The following HAUS6 variants were observed in gnomAD, a reference collection of about 807,000 sequenced individuals.
HAUS6 encodes HAUS augmin like complex subunit 6.
HAUS6 carries 80 observed loss-of-function variants against 106.8 expected under a neutral mutation model. That is an observed-to-expected ratio of 0.75 (90% CI 0.63 to 0.90). The LOEUF is 0.90. Among genes scored for constraint, HAUS6 ranks in the 40% least tolerant of loss-of-function variants. The pLI is 0.00. For synonymous variants in HAUS6, 356 were observed against 379.1 expected (o/e 0.94, Z 0.71); for missense variants, 1,155 against 1,118.1 (o/e 1.03, Z -0.47).
At chr9:19,072,200 A>G (rs1836894788) in intron 11 of HAUS6, among the ~76,000 whole-genome samples, 1 of 150,976 alleles carries the variant, frequency 6.6e-6, no homozygotes, top group Non-Finnish European at 1.5e-5. Context: ...CAAAAAAAAA[A>G]AAGAAAAGAA....
intron 11 of HAUS6, among the ~76,000 whole-genome samples, chr9:19,073,034 A>C (rs7852850): frequency 0.078 from 11,918 of 152,228 alleles, 519 homozygotes; most frequent in East Asian, 0.11. Context: ...ACAATATTAC[A>C]TATTGTTTAT....
At chr9:19,069,630 G>T (rs1272242998) in intron 12 of HAUS6, among the ~76,000 whole-genome samples, 1 of 152,012 alleles carries the variant, frequency 6.6e-6, no homozygotes, top group Non-Finnish European at 1.5e-5. Context: ...CCAGGAGGCG[G>T]GGATGTTGCA....
chr9:19,059,084 A>T, intron 15 of HAUS6, 83 bp from the exon 16 acceptor site: 1 of 743,914 alleles, frequency 1.3e-6, no homozygotes, highest in Non-Finnish European at 2.2e-6. Context: ...CTAACACTGA[A>T]GATAAAGCTC....
intron 1 of HAUS6, among the ~76,000 whole-genome samples, chr9:19,097,179 C>T (rs887551076): frequency 1.3e-5 from 2 of 152,198 alleles, no homozygotes; most frequent in Non-Finnish European, 2.9e-5. Flanking sequence ...CCATTCAGGA[C>T]ATAGGCATGG....
intron 8 of HAUS6, among the ~76,000 whole-genome samples, chr9:19,082,639 G>A (rs557165800): frequency 5.8e-4 from 88 of 152,132 alleles, no homozygotes; most frequent in African/African-American, 2.0e-3. Flanking sequence ...CCAGCTACTC[G>A]GGAGGCTGAG....
At chr9:19,082,508 G>A (rs1048980250) in intron 8 of HAUS6, among the ~76,000 whole-genome samples, 8 of 152,176 alleles carry the variant, frequency 5.3e-5, no homozygotes, top group Admixed American at 1.3e-4. Flanking sequence ...CAGCACTTTG[G>A]GAGGCCAAGG....
Position 19,078,262 on chromosome 9 carries a change from C to T in HAUS6, c.1105G>A (p.Val369Ile), listed in dbSNP as rs1564014089. The change falls in exon 10 of 17, where the codon GTT becomes ATT. Residue 369 changes from valine to isoleucine, a missense_variant. Around this residue, in one of 3 missense-constraint regions of HAUS6, gnomAD observed 761 missense variants for 690.0 expected, o/e 1.10. Coordinates refer to ENST00000380502, the MANE Select transcript of HAUS6 (RefSeq NM_017645.5). Reference protein sequence around the residue: ...KDDLTTIRHSVVEKQGEWHKK... With the variant: ...KDDLTTIRHSIVEKQGEWHKK... The stretch of plus-strand genomic sequence containing the variant: ...TGCCATTCTCCTTGCTTTTCAACAA[C>T]AGAATGTCTTATAGTTGTGAGATCA... The T allele has an allele frequency of 6.5e-7, 1 of 1,528,760 alleles. No individual in the cohort carries two copies. 94.7% of individuals were successfully genotyped at this position (1,528,760 alleles called of 1,614,324 possible). A position where few individuals can be genotyped will look rare whatever the true frequency, so the allele number is the denominator to read the frequency against.
Position 19,053,576 on chromosome 9 carries a change from T to C in HAUS6, c.*2767A>G, listed in dbSNP as rs1836404335. 6.6e-6 allele frequency: 1 copy of C among 152,248 alleles called. No homozygotes were observed. Among genetic ancestry groups the C allele is most frequent in the Admixed American group, 6.5e-5 (1 of 15,288 alleles). The allele number at this position is 152,248 out of a possible 1,614,324, so 9.4% of individuals were successfully genotyped here. A position where few individuals can be genotyped will look rare whatever the true frequency, so the allele number is the denominator to read the frequency against. On this transcript the variant is annotated 3_prime_UTR_variant, in exon 17 of 17. Transcript: ENST00000380502. ...ATGACATTTTTCATGTTTAGCAACA[T>C]TACATGGTTGTCCTCTTTAAACATT...
In HAUS6 at chr9:19,058,776, C is replaced by T. The variant is rs1270814160; in HGVS notation, c.1991G>A (p.Cys664Tyr). The change falls in exon 16 of 17, where the codon TGT becomes TAT. Residue 664 changes from cysteine (C) to tyrosine (Y), a missense_variant. Cys to Tyr is a radical substitution (Grantham distance 194, BLOSUM62 -2). Transcript: ENST00000380502. ...GGTCAGCACATGTTTCTGAGGCACACACTCGCAATCTGAAATAACTTTCTC... is the reference window on the plus strand; with the variant it reads ...GGTCAGCACATGTTTCTGAGGCACATACTCGCAATCTGAAATAACTTTCTC... The part of the protein sequence containing the change: ...TEEKVISDCE[C>Y]VPQKHVLTSH... 1.2e-6 allele frequency: 2 copies of T among 1,614,192 alleles called. No homozygotes were observed. Among genetic ancestry groups the T allele is most frequent in the Non-Finnish European group, 8.5e-7 (1 of 1,180,024 alleles).
intron 11 of HAUS6, among the ~76,000 whole-genome samples, chr9:19,071,488 C>A (rs1385978949): frequency 6.6e-6 from 1 of 151,640 alleles, no homozygotes; most frequent in African/African-American, 2.4e-5. Context: ...AATAAGCACA[C>A]ACAAATCCCA....
intron 1 of HAUS6, among the ~76,000 whole-genome samples, chr9:19,102,010 G>A (rs1446752466): frequency 6.6e-6 from 1 of 152,116 alleles, no homozygotes; most frequent in Non-Finnish European, 1.5e-5. Flanking sequence ...AAGTAGGGAA[G>A]GGGCTTTTAC....
At chr9:19,085,083 C>A (rs1446602953) in intron 7 of HAUS6, among the ~76,000 whole-genome samples, 2 of 152,064 alleles carry the variant, frequency 1.3e-5, no homozygotes, top group East Asian at 3.9e-4. Flanking sequence ...GTGTGCCACC[C>A]TAAATATCTC....
Position 19,053,755 on chromosome 9 carries a change from C to T in HAUS6, c.*2588G>A, listed in dbSNP as rs1245972488. 8 of 152,088 alleles carry T rather than the reference C, an allele frequency of 5.3e-5. No individual in the cohort carries two copies. Among genetic ancestry groups the T allele is most frequent in the Admixed American group, 5.2e-4 (8 of 15,260 alleles). 9.4% of individuals were successfully genotyped at this position (152,088 alleles called of 1,614,324 possible). A position where few individuals can be genotyped will look rare whatever the true frequency, so the allele number is the denominator to read the frequency against. ...ATCCACTTAGAGTAATAAATTAGCC[C>T]TCTTTACCATTTATTCCATGATATA... On this transcript the variant is annotated 3_prime_UTR_variant, in exon 17 of 17. Transcript: ENST00000380502.
At chr9:19,076,504 TGGA>T in intron 11 of HAUS6, 95 bp downstream of exon 11, 1 of 697,646 alleles carries the variant, frequency 1.4e-6, no homozygotes, top group Non-Finnish European at 2.5e-6. Flanking sequence ...TAAAAAAAAA[TGGA>T]GGAAAAAGAT....
intron 5 of HAUS6, among the ~76,000 whole-genome samples, chr9:19,089,210 T>G (rs1025830221): frequency 6.6e-6 from 1 of 151,894 alleles, no homozygotes; most frequent in Non-Finnish European, 1.5e-5. Context: ...GCCACTGCAT[T>G]CCAGCCTAGG....
intron 7 of HAUS6, among the ~76,000 whole-genome samples, chr9:19,085,357 A>G (rs1837264814): frequency 6.6e-6 from 1 of 152,226 alleles, no homozygotes; most frequent in African/African-American, 2.4e-5. Flanking sequence ...ATAATTTGCA[A>G]TCAGAGATTC....
At chr9:19,061,366 C>T (rs1836614985) in intron 14 of HAUS6, among the ~76,000 whole-genome samples, 2 of 152,096 alleles carry the variant, frequency 1.3e-5, no homozygotes, top group South Asian at 4.1e-4. Flanking sequence ...GATCCCATTG[C>T]TAATATAAAT....
Position 19,094,319 on chromosome 9 carries a change from A to G in HAUS6, c.301T>C (p.Ser101Pro). Residue 101 changes from serine to proline, a missense_variant and splice_region_variant, in exon 3 of 17, where the codon TCT becomes CCT. Transcript: ENST00000380502. ...CTTCTAACAAAAAGAATACTTACAG[A>G]AATCCTTTTTATCCATTCACAGCAA... ...KHCCEWIKRI[S>P]GECGSSFPQV... 6.4e-7 allele frequency: 1 copy of G among 1,564,070 alleles called. No individual in the cohort carries two copies. Among genetic ancestry groups the G allele is most frequent in the Non-Finnish European group, 8.8e-7 (1 of 1,138,886 alleles).
intron 10 of HAUS6, among the ~76,000 whole-genome samples, chr9:19,077,058 G>A (rs1317912803): frequency 1.3e-5 from 2 of 152,058 alleles, no homozygotes; most frequent in Non-Finnish European, 2.9e-5. Context: ...TGTCCAGGCT[G>A]GTCTCCAATT....
Sources: gnomAD v4.1 joint callset for allele counts (sites outside exome capture counted in the v4.1 genomes callset) on GRCh38, gnomAD v4.1.1 for gene constraint, gnomAD v4.1.1 regional missense constraint, MANE v1.5 for transcripts, NCBI Gene and HGNC (gene_info 2026-07-23, HGNC 2026-07-21) for gene names.